RTKN2: variants seen among roughly 807,000 people sequenced by gnomAD.
RTKN2 encodes rhotekin-2.
In RTKN2, 69 loss-of-function variants were observed where a neutral mutation model predicts 71.5. The ratio of observed to expected loss-of-function variants is 0.96; its 90% CI spans 0.79 to 1.18. RTKN2 has a LOEUF of 1.18. Among genes scored for constraint, RTKN2 ranks in the 50% most tolerant of loss-of-function variants. The pLI, the probability that RTKN2 is intolerant of heterozygous loss-of-function variation, is 0.00. For synonymous variants in RTKN2, 236 were observed against 236.5 expected, an observed-to-expected ratio of 1.00 and a Z score of 0.02; for missense variants, 724 against 719.7, an observed-to-expected ratio of 1.01 and a Z score of -0.07.
At chr10:62,218,337 AT>A in intron 7 of RTKN2, 36 bp from the exon 8 acceptor site, 1 of 1,350,854 alleles carries the variant, frequency 7.4e-7, no homozygotes, top group Non-Finnish European at 1.0e-6. Flanking sequence ...AAATCAAGTT[AT>A]AAATATAAGT....
At chr10:62,258,055 G>A (rs1478394336) in intron 2 of RTKN2, among the ~76,000 whole-genome samples, 2 of 152,112 alleles carry the variant, frequency 1.3e-5, no homozygotes, top group Non-Finnish European at 2.9e-5. Context: ...GGAACAGTAT[G>A]GTAATAGAAC....
At chr10:62,232,341 G>A (rs1842167702) in intron 6 of RTKN2, among the ~76,000 whole-genome samples, 1 of 142,562 alleles carries the variant, frequency 7.0e-6, no homozygotes, top group Admixed American at 7.2e-5. Context: ...TTGAGACAGG[G>A]TCTCACTCTG....
intron 10 of RTKN2, among the ~76,000 whole-genome samples, chr10:62,202,066 T>G (rs1438039322): frequency 3.3e-5 from 5 of 151,994 alleles, no homozygotes; most frequent in African/African-American, 1.2e-4. Context: ...TTTTAAAAAT[T>G]TAATGTTCCA....
intron 10 of RTKN2, among the ~76,000 whole-genome samples, chr10:62,200,362 CAAAAAAA>C (rs67854159): frequency 3.8e-5 from 3 of 79,504 alleles, no homozygotes; most frequent in South Asian, 5.4e-4. Flanking sequence ...GACTCCGTCT[CAAAAAAA>C]AAAAAAAAAA....
intron 2 of RTKN2, among the ~76,000 whole-genome samples, chr10:62,260,089 ATTTGT>A (rs879408108): frequency 6.6e-5 from 10 of 152,272 alleles, no homozygotes; most frequent in Middle Eastern, 3.4e-3. Context: ...TTAAAATGCT[ATTTGT>A]TTTAACTCTG....
chr10:62,204,444 A>T (rs1008778102), intron 10 of RTKN2, among the ~76,000 whole-genome samples: 2 of 152,216 alleles, frequency 1.3e-5, no homozygotes, highest in African/African-American at 4.8e-5. Context: ...TCTGGAGTTA[A>T]GGGAAGGCTA....
chr10:62,191,235 C>T (rs1231790809), downstream of RTKN2, among the ~76,000 whole-genome samples: 2 of 152,174 alleles, frequency 1.3e-5, no homozygotes, highest in African/African-American at 4.8e-5. Context: ...GCTCAAGTTA[C>T]AAGTTATCCT....
At chr10:62,222,869 C>G (rs1197031948) in intron 7 of RTKN2, among the ~76,000 whole-genome samples, 1 of 152,166 alleles carries the variant, frequency 6.6e-6, no homozygotes, top group Admixed American at 6.5e-5. Flanking sequence ...TAATTTAACC[C>G]TTTCTCTTTC....
At position 62,268,823 on chromosome 10, in the gene RTKN2, C is replaced by G. The variant is rs978465582; in HGVS notation, c.-213G>C. The G allele has an allele frequency of 1.9e-6, 1 of 540,066 alleles. No individual in the cohort carries two copies. 33.5% of individuals were successfully genotyped at this position (540,066 alleles called of 1,614,324 possible). ...CCCGCCGCCGGAAGTTGCCGAGACC[C>G]CAGGCTCTAGCGCGGCGGGGCGGGG... On this transcript the variant is annotated 5_prime_UTR_variant, in exon 1 of 12. Transcript: ENST00000373789.
rs945694276 is a variant in RTKN2, at chr10:62,216,424, C to T, written c.1020+694G>A. Among the ~76,000 whole-genome samples, 12 of 152,072 alleles carry T rather than the reference C, an allele frequency of 7.9e-5. No individual in the cohort carries two copies. The South Asian group carries it at 1.0e-3, about 13-fold the overall frequency. On this transcript the variant is annotated intron_variant, in intron 9 of 11. Coordinates refer to ENST00000373789, the MANE Select transcript of RTKN2 (RefSeq NM_145307.4). ...CTCTAAAAAATGAGGAAAGAAAAAT[C>T]CTCTAATCAACACTAGACTTGAATA... is the stretch of plus-strand genomic sequence containing the variant.
intron 7 of RTKN2, among the ~76,000 whole-genome samples, chr10:62,221,651 G>A (rs1841909920): frequency 6.6e-6 from 1 of 152,030 alleles, no homozygotes; most frequent in African/African-American, 2.4e-5. Flanking sequence ...ATAACTATGG[G>A]TCGAAAAATC....
At chr10:62,189,917 T>C (rs963571696), downstream of RTKN2, among the ~76,000 whole-genome samples, 2 of 151,846 alleles carry the variant, frequency 1.3e-5, no homozygotes, top group African/African-American at 4.8e-5. Context: ...AGAAATGTAA[T>C]TAATGAAAAC....
rs945339948 is a variant in RTKN2 at position 62,193,747 on chromosome 10, G to A, written c.*4161C>T. ...TTTACTGCAGTGGCTTAAGCTCTGGGGAAATTCTGGATCACTAAACTAAAA... is the reference window on the plus strand; with the variant it reads ...TTTACTGCAGTGGCTTAAGCTCTGGAGAAATTCTGGATCACTAAACTAAAA... On this transcript the variant is annotated 3_prime_UTR_variant, in exon 12 of 12. Coordinates refer to ENST00000373789, the MANE Select transcript of RTKN2 (RefSeq NM_145307.4). 1.0e-6 allele frequency: 1 copy of A among 985,070 alleles called. No individual in the cohort carries two copies. The highest frequency in any genetic ancestry group is 1.2e-6 in the Non-Finnish European group (1 of 829,846). The allele number at this position is 985,070 out of a possible 1,614,324, so 61.0% of individuals were successfully genotyped here. A position where few individuals can be genotyped will look rare whatever the true frequency, so the allele number is the denominator to read the frequency against.
rs1373326925 is a variant in RTKN2 at position 62,217,106 on chromosome 10, C to A, written c.1020+12G>T. 6.5e-7 allele frequency: 1 copy of A among 1,541,584 alleles called. No individual in the cohort carries two copies. Among genetic ancestry groups the A allele is most frequent in the Admixed American group, 2.1e-5 (1 of 46,620 alleles). The stretch of plus-strand genomic sequence containing the variant: ...GATGTATATTTTTTTCTCAAAATAG[C>A]ATTTCCTTTACCTTGTTAATGGGTA... On this transcript the variant is annotated intron_variant, in intron 9 of 11. Coordinates refer to ENST00000373789, the MANE Select transcript of RTKN2 (RefSeq NM_145307.4).
intron 6 of RTKN2, among the ~76,000 whole-genome samples, chr10:62,226,929 C>T (rs1842037029): frequency 6.6e-6 from 1 of 152,116 alleles, no homozygotes; most frequent in Non-Finnish European, 1.5e-5. Flanking sequence ...CCACTGCACT[C>T]CAGCCTGAGT....
In RTKN2 at chr10:62,218,745, C is replaced by G. The variant is rs117416087; in HGVS notation, c.782-444G>C. ...CTGAATAAAACATTATTTCACTTTG[C>G]GAGGCCGAGGCAGGCGGATCACTTG... On this transcript the variant is annotated intron_variant, in intron 7 of 11. Coordinates refer to ENST00000373789, the MANE Select transcript of RTKN2 (RefSeq NM_145307.4). Among the ~76,000 whole-genome samples, 156 of 152,158 alleles carry G rather than the reference C, an allele frequency of 1.0e-3. 4 individuals carry two copies. In the East Asian group the frequency reaches 0.026, roughly 25 times the overall value.
intron 6 of RTKN2, among the ~76,000 whole-genome samples, chr10:62,227,878 T>A (rs928017621): frequency 6.6e-6 from 1 of 152,176 alleles, no homozygotes; most frequent in East Asian, 1.9e-4. Context: ...AAAGACAGGA[T>A]GTGAAAGCAG....
rs899938852 is a variant in RTKN2 at position 62,217,042 on chromosome 10, C to T, written c.1020+76G>A. ...TACTTCTCTTTTATTTATAAGACAA[C>T]AACAATGTAAACTGCACAGACAAAA... On this transcript the variant is annotated intron_variant, in intron 9 of 11. Transcript: ENST00000373789. 3.7e-6 allele frequency: 4 copies of T among 1,079,148 alleles called. No individual in the cohort carries two copies. In the African/African-American group the frequency reaches 4.9e-5, roughly 13 times the overall value. 66.8% of individuals were successfully genotyped at this position (1,079,148 alleles called of 1,614,324 possible).
intron 6 of RTKN2, among the ~76,000 whole-genome samples, chr10:62,232,190 G>T (rs1424703124): frequency 2.0e-5 from 3 of 151,864 alleles, no homozygotes; most frequent in Non-Finnish European, 4.4e-5. Context: ...ATTCTGAACA[G>T]GAAAACAGAC....
Sources: allele counts gnomAD v4.1 joint callset (sites outside exome capture counted in the v4.1 genomes callset), GRCh38; gene constraint gnomAD v4.1.1; transcripts MANE v1.5; gene names NCBI Gene and HGNC (gene_info 2026-07-23, HGNC 2026-07-21).